Variants in SYNPR observed in about 807,000 individuals in gnomAD.
SYNPR encodes synaptoporin.
A neutral mutation model predicts 32.9 loss-of-function variants in SYNPR; 23 were observed. The ratio of observed to expected loss-of-function variants is 0.70; its 90% CI spans 0.50 to 0.99. The LOEUF is 0.99. SYNPR is among the 50% of genes least tolerant of loss of function. The probability of loss-of-function intolerance (pLI) is 0.00; values close to 1 mark genes in which losing one functional copy is unlikely to be tolerated. For missense variants in SYNPR, 318 were observed against 349.3 expected (o/e 0.91, Z 0.71); for synonymous variants, 146 against 135.9 (o/e 1.07, Z -0.52).
intron 2 of SYNPR, among the ~76,000 whole-genome samples, chr3:63,470,289 G>A (rs929146163): frequency 1.3e-5 from 2 of 152,006 alleles, no homozygotes; most frequent in African/African-American, 4.8e-5. Context: ...TTTCTGTACT[G>A]CTACTCATTC....
intron 2 of SYNPR, among the ~76,000 whole-genome samples, chr3:63,298,274 T>G (rs2086810738): frequency 6.6e-6 from 1 of 152,192 alleles, no homozygotes; most frequent in Non-Finnish European, 1.5e-5. Context: ...CTCACTGTTG[T>G]AATTCTTGCA....
chr3:63,278,584 G>A, intron 1 of SYNPR, 33 bp downstream of exon 1: 1 of 1,550,992 alleles, frequency 6.4e-7, no homozygotes, highest in Non-Finnish European at 8.7e-7. Flanking sequence ...GGCTGGCTGG[G>A]AGCAGGGGGC....
At chr3:63,416,464 G>T (rs1310097644) in intron 2 of SYNPR, among the ~76,000 whole-genome samples, 2 of 149,932 alleles carry the variant, frequency 1.3e-5, no homozygotes, top group African/African-American at 4.9e-5. Context: ...CCCGGGACGT[G>T]GAGGTTTCAG....
intron 2 of SYNPR, among the ~76,000 whole-genome samples, chr3:63,451,593 G>A (rs1406589385): frequency 6.6e-6 from 1 of 152,006 alleles, no homozygotes; most frequent in Non-Finnish European, 1.5e-5. Flanking sequence ...GTGGAGTCAG[G>A]GCAGAGGCGG....
At chr3:63,584,577 G>A (rs776875411) in intron 4 of SYNPR, among the ~76,000 whole-genome samples, 9 of 152,084 alleles carry the variant, frequency 5.9e-5, no homozygotes, top group African/African-American at 1.4e-4. Context: ...GGGAGATACA[G>A]TCATGTGGCT....
chr3:63,377,735 T>C (rs1005689251), intron 2 of SYNPR, among the ~76,000 whole-genome samples: 16 of 152,092 alleles, frequency 1.1e-4, no homozygotes, highest in Non-Finnish European at 2.1e-4. Context: ...CAGAGCACTG[T>C]AGAGTTATTC....
At chr3:63,259,797 G>T (rs996023704) in intron 2 of SYNPR, among the ~76,000 whole-genome samples, 1 of 152,296 alleles carries the variant, frequency 6.6e-6, no homozygotes, top group Non-Finnish European at 1.5e-5. Flanking sequence ...CCTGTTTGCC[G>T]ATGACATGAT....
intron 2 of SYNPR, among the ~76,000 whole-genome samples, chr3:63,345,312 T>C (rs2087423580): frequency 6.6e-6 from 1 of 152,242 alleles, no homozygotes; most frequent in Non-Finnish European, 1.5e-5. Flanking sequence ...CATAGTTAAC[T>C]TGGCCTATGG....
intron 2 of SYNPR, among the ~76,000 whole-genome samples, chr3:63,415,207 G>A (rs147920934): frequency 4.6e-5 from 7 of 152,264 alleles, no homozygotes; most frequent in African/African-American, 1.4e-4. Context: ...ATAAAATGGT[G>A]TGCTCCTATA....
intron 3 of SYNPR, among the ~76,000 whole-genome samples, chr3:63,531,349 G>C (rs934914090): frequency 2.0e-5 from 3 of 152,068 alleles, no homozygotes; most frequent in Non-Finnish European, 4.4e-5. Flanking sequence ...GTCATTCCTT[G>C]CTTCTTCCTG....
At chr3:63,601,379 T>C (rs996749946) in intron 4 of SYNPR, among the ~76,000 whole-genome samples, 2 of 152,180 alleles carry the variant, frequency 1.3e-5, no homozygotes, top group African/African-American at 4.8e-5. Flanking sequence ...TGTTCAGAGG[T>C]ACATGTGCAG....
chr3:63,349,971 A>ACT (rs1575606444), intron 2 of SYNPR, among the ~76,000 whole-genome samples: 1 of 152,198 alleles, frequency 6.6e-6, no homozygotes, highest in East Asian at 1.9e-4. Flanking sequence ...TCAAAATTTA[A>ACT]ATATAACTTT....
intron 2 of SYNPR, among the ~76,000 whole-genome samples, chr3:63,400,168 T>C (rs1253700041): frequency 3.9e-5 from 6 of 152,252 alleles, no homozygotes. Flanking sequence ...CAGTAGCTAA[T>C]GGATACATGG....
In SYNPR at chr3:63,430,766, A is replaced by AT. The variant is rs138906458; in HGVS notation, c.85-50056dup. 4.4e-3 allele frequency among the ~76,000 whole-genome samples: 655 copies of AT among 149,490 alleles called. 11 individuals carry two copies. In the East Asian group the frequency reaches 0.059, roughly 13 times the overall value. ...ATTTGTTGGATTTTTGCTTAGCTCC[A>AT]TTTTTTTTTTCTTTCTGAAGAATGG... On this transcript the variant is annotated intron_variant, in intron 2 of 5. Coordinates refer to ENST00000478300, the MANE Select transcript of SYNPR (RefSeq NM_001130003.2).
intron 3 of SYNPR, among the ~76,000 whole-genome samples, chr3:63,483,511 A>T (rs1701086934): frequency 6.6e-6 from 1 of 152,298 alleles, no homozygotes; most frequent in East Asian, 1.9e-4. Flanking sequence ...TTGGGGAAGG[A>T]TGTGTCATTG....
At chr3:63,255,511 T>C (rs2106893824) in intron 2 of SYNPR, among the ~76,000 whole-genome samples, 1 of 152,326 alleles carries the variant, frequency 6.6e-6, no homozygotes, top group South Asian at 2.1e-4. Flanking sequence ...GATACTCCCT[T>C]TCACTTTTTA....
intron 2 of SYNPR, among the ~76,000 whole-genome samples, chr3:63,420,291 G>A (rs1699764869): frequency 6.6e-6 from 1 of 151,944 alleles, no homozygotes; most frequent in African/African-American, 2.4e-5. Context: ...CAAAAGAGAG[G>A]GCAATGTTAT....
rs913929341 is a variant in SYNPR, at chr3:63,600,978, G to C, written c.409-8147G>C. Among the ~76,000 whole-genome samples, 5 of 152,256 alleles carry C rather than the reference G, an allele frequency of 3.3e-5. No homozygotes were observed. In the East Asian group the frequency reaches 9.7e-4, roughly 29 times the overall value. ...CATCACCATACTTTGCTTAGTTAAA[G>C]AAAACCTGCCATGGCTGGGTGCAGT... On this transcript the variant is annotated intron_variant, in intron 4 of 5. Transcript: ENST00000478300.
intron 2 of SYNPR, among the ~76,000 whole-genome samples, chr3:63,337,313 A>G (rs1006592258): frequency 1.3e-5 from 2 of 151,886 alleles, no homozygotes; most frequent in Non-Finnish European, 2.9e-5. Flanking sequence ...AATAAGAACT[A>G]CATACCTATT....
Sources: gnomAD v4.1 joint callset for allele counts (sites outside exome capture counted in the v4.1 genomes callset) on GRCh38, gnomAD v4.1.1 for gene constraint, MANE v1.5 for transcripts, NCBI Gene and HGNC (gene_info 2026-07-23, HGNC 2026-07-21) for gene names.